The following PGAP1 variants were observed in gnomAD, a reference collection of about 807,000 sequenced individuals.
The protein encoded by PGAP1 is GPI inositol-deacylase.
In PGAP1, 76 loss-of-function variants were observed where a neutral mutation model predicts 127.0. That is an observed-to-expected ratio of 0.60 (90% CI 0.50 to 0.72). The LOEUF is 0.72. Among genes scored for constraint, PGAP1 ranks in the 30% least tolerant of loss-of-function variants. The pLI, the probability that PGAP1 is intolerant of heterozygous loss-of-function variation, is 0.00. For missense variants in PGAP1, 982 were observed against 1,071.3 expected (o/e 0.92, Z 1.16); for synonymous variants, 362 against 366.5 (o/e 0.99, Z 0.14).
intron 19 of PGAP1, 68 bp from the exon 20 acceptor site, chr2:196,865,148 A>C: frequency 1.1e-6 from 1 of 869,736 alleles, no homozygotes. Flanking sequence ...TTCACATAAA[A>C]TTTAAAAGTT....
rs545366448 is a variant in PGAP1, at chr2:196,839,023, A to G, written c.*2211T>C. ...CGCGCCACTGCACTCCAGCCTGGTGACAGCGTGAGACTCCATCTCAAAAAC... is the reference window on the plus strand; with the variant it reads ...CGCGCCACTGCACTCCAGCCTGGTGGCAGCGTGAGACTCCATCTCAAAAAC... On this transcript the variant is annotated 3_prime_UTR_variant, in exon 27 of 27. Transcript: ENST00000354764. 2.9e-4 allele frequency: 45 copies of G among 153,104 alleles called. 1 individual carries two copies. In the South Asian group the frequency reaches 9.3e-3, roughly 32 times the overall value. 9.5% of individuals were successfully genotyped at this position (153,104 alleles called of 1,614,324 possible). A position where few individuals can be genotyped will look rare whatever the true frequency, so the allele number is the denominator to read the frequency against.
At chr2:196,847,785 G>C in intron 21 of PGAP1, 162 bp downstream of exon 21, 1 of 481,928 alleles carries the variant, frequency 2.1e-6, no homozygotes, top group South Asian at 3.3e-5. Context: ...AGTAGACATT[G>C]ATATACTTAT....
chr2:196,854,451 T>C (rs1700814178), intron 20 of PGAP1, among the ~76,000 whole-genome samples: 1 of 152,216 alleles, frequency 6.6e-6, no homozygotes, highest in Non-Finnish European at 1.5e-5. Flanking sequence ...AGTCATAATT[T>C]TGGCTATGTT....
intron 3 of PGAP1, among the ~76,000 whole-genome samples, chr2:196,914,466 C>A (rs1355484304): frequency 9.2e-5 from 14 of 151,940 alleles, no homozygotes; most frequent in Non-Finnish European, 2.1e-4. Flanking sequence ...GCTAAAAATA[C>A]AAAAATTAGC....
At chr2:196,864,915 T>A (rs1289111875) in intron 20 of PGAP1, 72 bp downstream of exon 20, 1 of 721,394 alleles carries the variant, frequency 1.4e-6, no homozygotes, top group African/African-American at 1.9e-5. Flanking sequence ...TATAAACACA[T>A]ATGTGGAACT....
rs1231078618 is a variant in PGAP1 at position 196,890,749 on chromosome 2, G to T, written c.1173+79C>A. The T allele has an allele frequency of 6.6e-6, 5 of 755,506 alleles. No individual in the cohort carries two copies. In the Admixed American group the frequency reaches 8.8e-5, roughly 13 times the overall value. The allele number at this position is 755,506 out of a possible 1,614,324, so 46.8% of individuals were successfully genotyped here. ...TTAGATTTAATAGTAATATTTCATAGCTAGGTCTACCAGTAGAATTTGAAA... is the reference window on the plus strand; with the variant it reads ...TTAGATTTAATAGTAATATTTCATATCTAGGTCTACCAGTAGAATTTGAAA... On this transcript the variant is annotated intron_variant, in intron 10 of 26. Transcript: ENST00000354764.
In PGAP1 at chr2:196,876,832, T is replaced by C. The variant is rs187287469; in HGVS notation, c.1351-1011A>G. 1.6e-4 allele frequency among the ~76,000 whole-genome samples: 24 copies of C among 152,168 alleles called. No homozygotes were observed. The East Asian group carries it at 3.7e-3, about 23-fold the overall frequency. On this transcript the variant is annotated intron_variant, in intron 13 of 26. Coordinates refer to ENST00000354764, the MANE Select transcript of PGAP1 (RefSeq NM_024989.4). ...GGGAAATTGCTATTAGATTAATCCA[T>C]ACACTTGGGGGAATAAAAGAAAAAA...
chr2:196,852,250 C>T (rs1279849089), intron 20 of PGAP1, among the ~76,000 whole-genome samples: 2 of 152,086 alleles, frequency 1.3e-5, no homozygotes, highest in East Asian at 3.8e-4. Context: ...TACATATGTA[C>T]ATGTATTGGC....
At chr2:196,902,937 A>G (rs1702545364) in intron 4 of PGAP1, among the ~76,000 whole-genome samples, 195 bp from the exon 5 acceptor site, 2 of 152,228 alleles carry the variant, frequency 1.3e-5, no homozygotes, top group South Asian at 4.1e-4. Context: ...CCGATTAAAT[A>G]AAAGTATAAA....
At chr2:196,850,646 A>G (rs900744684) in intron 20 of PGAP1, among the ~76,000 whole-genome samples, 1 of 151,712 alleles carries the variant, frequency 6.6e-6, no homozygotes, top group African/African-American at 2.4e-5. Context: ...TCTTGGAAGG[A>G]AGGAGGGAAG....
chr2:196,865,664 C>T (rs145220090), intron 19 of PGAP1, among the ~76,000 whole-genome samples: 54 of 152,186 alleles, frequency 3.5e-4, no homozygotes, highest in African/African-American at 1.2e-3. Context: ...ATGTTAATTG[C>T]TTTATTAACT....
In PGAP1 at chr2:196,912,910, A is replaced by G; in HGVS notation, c.621T>C (p.Pro207=). The G allele has an allele frequency of 1.9e-6, 3 of 1,612,454 alleles. No individual in the cohort carries two copies. The highest frequency in any genetic ancestry group is 2.5e-6 in the Non-Finnish European group (3 of 1,179,390). Residue 207 remains proline, a synonymous_variant, in exon 4 of 27, where the codon CCT becomes CCC. Coordinates refer to ENST00000354764, the MANE Select transcript of PGAP1 (RefSeq NM_024989.4). Reference sequence around the variant, plus strand: ...TAATGAAACGATCTAATGGCATCACAGGAGCAACATGAGGTGTGGCTTGTG... The same window carrying G: ...TAATGAAACGATCTAATGGCATCACGGGAGCAACATGAGGTGTGGCTTGTG... ...LITQATPHVA[P]VMPLDRFITD... is the part of the protein sequence containing the mutation.
rs1251196747 is a variant in PGAP1, at chr2:196,846,015, G to T, written c.2153C>A (p.Pro718His). ...CTTGATATCTTTAGGAAGTTCAGAG[G>T]GTCTGGAATTATAAGAATAAAGTTT... The part of the protein sequence containing the change: ...LSSLWLALKR[P>H]SELPKDIKMI... The change falls in exon 23 of 27, where the codon CCC becomes CAC. Residue 718 changes from proline to histidine, a missense_variant and splice_region_variant. Pro to His is a moderately conservative substitution (Grantham distance 77, BLOSUM62 -2). Coordinates refer to ENST00000354764, the MANE Select transcript of PGAP1 (RefSeq NM_024989.4). The T allele has an allele frequency of 2.6e-6, 4 of 1,561,140 alleles. No individual in the cohort carries two copies. The highest frequency in any genetic ancestry group is 2.3e-5 in the East Asian group (1 of 44,028).
Position 196,926,629 on chromosome 2 carries a change from ACCGCCGCCGCCGCCG to A in PGAP1, c.-28_-14del, listed in dbSNP as rs745913420. 8.1e-6 allele frequency: 13 copies of A among 1,607,506 alleles called. No individual in the cohort carries two copies. The South Asian group carries it at 9.9e-5, about 12-fold the overall frequency. The stretch of plus-strand genomic sequence containing the variant: ...AGTGAAGAAACATGGTGCCGCCACC[ACCGCCGCCGCCGCCG>A]CCGCCCCCTCTACCTCCTTCTCCGC... On this transcript the variant is annotated 5_prime_UTR_variant, in exon 1 of 27. Coordinates refer to ENST00000354764, the MANE Select transcript of PGAP1 (RefSeq NM_024989.4).
chr2:196,895,308 A>AT (rs1391584106), intron 7 of PGAP1, among the ~76,000 whole-genome samples: 2 of 152,126 alleles, frequency 1.3e-5, no homozygotes, highest in Non-Finnish European at 2.9e-5. Flanking sequence ...TTTATGTCCA[A>AT]TTTTTTTAGG....
intron 22 of PGAP1, 85 bp from the exon 23 acceptor site, chr2:196,846,102 C>T: frequency 2.6e-6 from 2 of 759,448 alleles, no homozygotes; most frequent in East Asian, 3.1e-5. Flanking sequence ...ATAGTACCCT[C>T]CCAGTCTCTC....
intron 20 of PGAP1, among the ~76,000 whole-genome samples, chr2:196,857,239 CTCTA>C (rs1404092169): frequency 6.6e-6 from 1 of 152,200 alleles, no homozygotes; most frequent in Non-Finnish European, 1.5e-5. Flanking sequence ...ACTAGCATTC[CTCTA>C]TCTGTTAACT....
At chr2:196,905,711 T>G (rs1185440172) in intron 4 of PGAP1, among the ~76,000 whole-genome samples, 2 of 148,988 alleles carry the variant, frequency 1.3e-5, no homozygotes, top group Non-Finnish European at 3.0e-5. Context: ...CACTAGGGAG[T>G]GCCAGACAGT....
intron 1 of PGAP1, among the ~76,000 whole-genome samples, chr2:196,924,182 CTG>C (rs1408577366): frequency 6.6e-6 from 1 of 151,962 alleles, no homozygotes; most frequent in Non-Finnish European, 1.5e-5. Context: ...GATAATAAAA[CTG>C]AATGTGTTTC....
Sources: allele counts gnomAD v4.1 joint callset (sites outside exome capture counted in the v4.1 genomes callset), GRCh38; gene constraint gnomAD v4.1.1; transcripts MANE v1.5; gene names NCBI Gene and HGNC (gene_info 2026-07-23, HGNC 2026-07-21).